Variants in MAGI1 observed in about 807,000 individuals in gnomAD.
The protein encoded by MAGI1 is membrane-associated guanylate kinase, WW and PDZ domain-containing protein 1.
Under a neutral mutation model 139.9 loss-of-function variants are expected in MAGI1, and 58 were observed. That is an observed-to-expected ratio of 0.41 (90% CI 0.34 to 0.52). MAGI1 has a LOEUF of 0.52. MAGI1 is among the 20% of genes least tolerant of loss of function. The pLI is 0.12. For missense variants in MAGI1, 1,874 were observed against 1,901.6 expected, an observed-to-expected ratio of 0.99 and a Z score of 0.27; for synonymous variants, 812 against 737.9, an observed-to-expected ratio of 1.10 and a Z score of -1.63.
chr3:65,366,136 A>G (rs1001399342), intron 18 of MAGI1, among the ~76,000 whole-genome samples: 2 of 152,218 alleles, frequency 1.3e-5, no homozygotes, highest in Non-Finnish European at 2.9e-5. Flanking sequence ...GGTGATGACA[A>G]TAATTCCCCT....
chr3:65,827,891 A>G (rs2042314716), intron 1 of MAGI1, among the ~76,000 whole-genome samples: 2 of 152,172 alleles, frequency 1.3e-5, no homozygotes, highest in Admixed American at 1.3e-4. Context: ...AAATTTTTTA[A>G]TGTTATATGT....
intron 2 of MAGI1, among the ~76,000 whole-genome samples, chr3:65,547,452 AT>A (rs1559658624): frequency 6.6e-6 from 1 of 152,082 alleles, no homozygotes; most frequent in African/African-American, 2.4e-5. Context: ...AGGTTACCTT[AT>A]GATTTTTATA....
At chr3:65,482,653 A>C (rs1951361532) in intron 3 of MAGI1, among the ~76,000 whole-genome samples, 1 of 152,212 alleles carries the variant, frequency 6.6e-6, no homozygotes, top group African/African-American at 2.4e-5. Flanking sequence ...AAATCTCTCC[A>C]CTATTTCTTA....
intron 13 of MAGI1, among the ~76,000 whole-genome samples, chr3:65,391,998 C>T (rs771360481): frequency 9.9e-4 from 150 of 152,190 alleles, no homozygotes; most frequent in Non-Finnish European, 2.0e-3. Context: ...GCAAGCATTA[C>T]ACTTCACCTC....
intron 1 of MAGI1, among the ~76,000 whole-genome samples, chr3:65,714,686 T>C (rs1412648980): frequency 6.6e-6 from 1 of 152,118 alleles, no homozygotes; most frequent in Admixed American, 6.5e-5. Flanking sequence ...GAATCATCAG[T>C]GAGCCTCAAT....
chr3:65,696,791 T>G (rs2089236124), intron 1 of MAGI1, among the ~76,000 whole-genome samples: 2 of 152,026 alleles, frequency 1.3e-5, no homozygotes, highest in Admixed American at 1.3e-4. Flanking sequence ...CCTTACAAAT[T>G]TTCCCTAAAG....
intron 1 of MAGI1, among the ~76,000 whole-genome samples, chr3:65,670,348 G>GTATA (rs35439311): frequency 0.019 from 2,787 of 149,966 alleles, 52 homozygotes; most frequent in Non-Finnish European, 0.027. Flanking sequence ...TGCCATGTGT[G>GTATA]TATATATATA....
chr3:65,540,868 G>A (rs1337425384), intron 2 of MAGI1, among the ~76,000 whole-genome samples: 1 of 152,220 alleles, frequency 6.6e-6, no homozygotes, highest in Admixed American at 6.5e-5. Flanking sequence ...AGAGAGGAAG[G>A]AAGCAGATGT....
chr3:65,617,771 AAT>A (rs1423890865), intron 2 of MAGI1, among the ~76,000 whole-genome samples: 2 of 151,752 alleles, frequency 1.3e-5, no homozygotes, highest in African/African-American at 4.9e-5. Flanking sequence ...GGAAGAAAAA[AAT>A]AAAAGAAGAA....
At position 65,492,758 on chromosome 3, in the gene MAGI1, C is replaced by T. The variant is rs536503260; in HGVS notation, c.550+754G>A. Reference sequence around the variant, plus strand: ...TTATAATATTGAATCCTAAATCAGGCAGGTGGGAGACAGGTATATGAAGAT... The same window carrying T: ...TTATAATATTGAATCCTAAATCAGGTAGGTGGGAGACAGGTATATGAAGAT... On this transcript the variant is annotated intron_variant, in intron 3 of 22. Coordinates refer to ENST00000402939, the MANE Select transcript of MAGI1 (RefSeq NM_001033057.2). 2.4e-4 allele frequency among the ~76,000 whole-genome samples: 37 copies of T among 152,212 alleles called. No individual in the cohort carries two copies. The South Asian group carries it at 7.5e-3, about 31-fold the overall frequency.
chr3:65,840,765 CT>C (rs1210012297), intron 1 of MAGI1, among the ~76,000 whole-genome samples: 13 of 152,202 alleles, frequency 8.5e-5, no homozygotes, highest in African/African-American at 2.9e-4. Flanking sequence ...TTAGTATTAT[CT>C]TGGTCTAGTT....
intron 2 of MAGI1, among the ~76,000 whole-genome samples, chr3:65,585,438 C>T (rs753851132): frequency 7.2e-5 from 11 of 152,210 alleles, no homozygotes; most frequent in African/African-American, 2.4e-4. Flanking sequence ...TTAATCATTT[C>T]GAAAATGCAA....
At chr3:65,984,578 G>A (rs2065776953) in intron 1 of MAGI1, among the ~76,000 whole-genome samples, 1 of 149,180 alleles carries the variant, frequency 6.7e-6, no homozygotes, top group African/African-American at 2.5e-5. Context: ...CGCCCAGGCT[G>A]GAGTACAGTG....
At chr3:65,884,256 TACA>T (rs146843246) in intron 1 of MAGI1, among the ~76,000 whole-genome samples, 5,542 of 152,302 alleles carry the variant, frequency 0.036, 123 homozygotes, top group African/African-American at 0.048. Flanking sequence ...TTTTCTTAGA[TACA>T]ACAAGGAACT....
At chr3:65,451,224 A>G (rs546705000) in intron 6 of MAGI1, among the ~76,000 whole-genome samples, 10 of 152,128 alleles carry the variant, frequency 6.6e-5, no homozygotes, top group Non-Finnish European at 1.3e-4. Context: ...AGTAAAAGCT[A>G]TTGCAGTATT....
intron 2 of MAGI1, among the ~76,000 whole-genome samples, chr3:65,569,118 T>C (rs2080820778): frequency 6.6e-6 from 1 of 152,220 alleles, no homozygotes; most frequent in African/African-American, 2.4e-5. Context: ...AATGAAGTTG[T>C]GACACATGCT....
intron 20 of MAGI1, 50 bp downstream of exon 20, chr3:65,364,615 G>A (rs993022942): frequency 6.6e-7 from 1 of 1,509,398 alleles, no homozygotes; most frequent in Admixed American, 1.7e-5. Context: ...GCTTGAGAAA[G>A]TTGGAAGGAA....
intron 1 of MAGI1, among the ~76,000 whole-genome samples, chr3:65,885,434 C>T (rs1046156498): frequency 1.3e-5 from 2 of 151,942 alleles, no homozygotes; most frequent in South Asian, 2.1e-4. Flanking sequence ...ATATTGTGAA[C>T]GTTATTCCCT....
intron 1 of MAGI1, among the ~76,000 whole-genome samples, chr3:65,933,271 G>T (rs75753303): frequency 6.6e-6 from 1 of 152,182 alleles, no homozygotes; most frequent in East Asian, 1.9e-4. Context: ...AGTTTAGTTC[G>T]TGGCTCAGGA....
Sources: gnomAD v4.1 joint callset for allele counts (sites outside exome capture counted in the v4.1 genomes callset) on GRCh38, gnomAD v4.1.1 for gene constraint, MANE v1.5 for transcripts, NCBI Gene and HGNC (gene_info 2026-07-23, HGNC 2026-07-21) for gene names.